The following RASSF5 variants were observed in gnomAD, a reference collection of about 807,000 sequenced individuals.
RASSF5 encodes the protein ras association domain-containing protein 5.
Under a neutral mutation model 40.5 loss-of-function variants are expected in RASSF5, and 25 were observed. The ratio of observed to expected loss-of-function variants is 0.62; its 90% CI spans 0.45 to 0.86. The LOEUF is 0.86. Among genes scored for constraint, RASSF5 ranks in the 40% least tolerant of loss-of-function variants. RASSF5 has a pLI of 0.00. For synonymous variants in RASSF5, 246 were observed against 252.4 expected, an observed-to-expected ratio of 0.97 and a Z score of 0.24; for missense variants, 521 against 572.8, an observed-to-expected ratio of 0.91 and a Z score of 0.92.
chr1:206,566,004 G>C (rs1668280060), intron 2 of RASSF5, among the ~76,000 whole-genome samples: 1 of 152,216 alleles, frequency 6.6e-6, no homozygotes. Flanking sequence ...TCCTAAGTTA[G>C]TTTACCATCT....
At chr1:206,548,032 G>C (rs1667740565) in intron 2 of RASSF5, among the ~76,000 whole-genome samples, 1 of 152,134 alleles carries the variant, frequency 6.6e-6, no homozygotes, top group South Asian at 2.1e-4. Flanking sequence ...TTATGGGATA[G>C]AAATTTCTAG....
intron 2 of RASSF5, among the ~76,000 whole-genome samples, chr1:206,575,352 A>T (rs1240637430): frequency 6.6e-6 from 1 of 152,136 alleles, no homozygotes; most frequent in East Asian, 1.9e-4. Context: ...ATTTGCTAAG[A>T]GCTGAGAAAG....
intron 1 of RASSF5, among the ~76,000 whole-genome samples, chr1:206,516,811 G>A (rs111565392): frequency 0.012 from 1,755 of 152,242 alleles, 17 homozygotes; most frequent in Non-Finnish European, 0.018. Context: ...CTTTGAGGGC[G>A]GGGATGGGAA....
chr1:206,528,090 T>G (rs1553397464), intron 1 of RASSF5, among the ~76,000 whole-genome samples: 2 of 152,112 alleles, frequency 1.3e-5, no homozygotes, highest in Non-Finnish European at 2.9e-5. Context: ...GCAACCAAGA[T>G]GTCCTTCAGT....
rs371822067 is a variant in RASSF5 at position 206,566,305 on chromosome 1, C to T, written c.580-16964C>T. ...GTCACCCCTCTCAAGCTCTGATGTC[C>T]TGCCGTAGGAAGCTGTTTTTCTCAT... On this transcript the variant is annotated intron_variant, in intron 2 of 5. Coordinates refer to ENST00000579436, the MANE Select transcript of RASSF5 (RefSeq NM_182663.4). 1.3e-4 allele frequency among the ~76,000 whole-genome samples: 20 copies of T among 152,166 alleles called. No homozygotes were observed. The East Asian group carries it at 2.5e-3, about 19-fold the overall frequency.
At chr1:206,538,966 G>C (rs1181296068) in intron 2 of RASSF5, among the ~76,000 whole-genome samples, 1 of 152,166 alleles carries the variant, frequency 6.6e-6, no homozygotes, top group South Asian at 2.1e-4. Flanking sequence ...ATTCTGGCAG[G>C]GGAGGCAGAA....
At chr1:206,518,309 C>T (rs1666813392) in intron 1 of RASSF5, 1 of 397,320 alleles carries the variant, frequency 2.5e-6, no homozygotes, top group East Asian at 3.6e-5. Flanking sequence ...GCCCAGGGCC[C>T]TCCCCGGAGC....
In RASSF5 at chr1:206,507,825, C is replaced by G. The variant is rs1553394032; in HGVS notation, c.223C>G (p.Arg75Gly). 7.0e-7 allele frequency: 1 copy of G among 1,419,022 alleles called. No homozygotes were observed. The allele number at this position is 1,419,022 out of a possible 1,614,324, so 87.9% of individuals were successfully genotyped here. Residue 75 changes from arginine (R) to glycine (G), a missense_variant, in exon 1 of 6, where the codon CGG (arginine) becomes GGG (glycine). By Grantham distance (125) the Arg-to-Gly change is moderately radical. This residue lies in a region of RASSF5 where 237 missense variants were observed against 212.0 expected (regional missense o/e 1.12). Coordinates refer to ENST00000579436, the MANE Select transcript of RASSF5 (RefSeq NM_182663.4). The part of the protein sequence containing the change: ...AARGNLEPPP[R>G]ASRPARPLRP... ...CCGGGGGAACCTGGAGCCCCCGCCC[C>G]GGGCCTCCCGACCCGCTCGCCCGCT...
At chr1:206,568,080 A>G (rs1668332504) in intron 2 of RASSF5, among the ~76,000 whole-genome samples, 1 of 152,140 alleles carries the variant, frequency 6.6e-6, no homozygotes, top group African/African-American at 2.4e-5. Context: ...ATGCCCACAA[A>G]TGCAGCCTCA....
chr1:206,536,155 G>A (rs1667387302), intron 1 of RASSF5, among the ~76,000 whole-genome samples: 1 of 152,170 alleles, frequency 6.6e-6, no homozygotes, highest in South Asian at 2.1e-4. Flanking sequence ...TAAAGGGGAG[G>A]CTGTTTTTGT....
At chr1:206,529,716 G>A (rs1281801654) in intron 1 of RASSF5, 2 of 664,268 alleles carry the variant, frequency 3.0e-6, no homozygotes, top group African/African-American at 3.6e-5. Flanking sequence ...AATGCACACT[G>A]TTGAGTTTTC....
At chr1:206,564,549 A>C (rs1222942551) in intron 2 of RASSF5, among the ~76,000 whole-genome samples, 2 of 152,180 alleles carry the variant, frequency 1.3e-5, no homozygotes, top group African/African-American at 4.8e-5. Flanking sequence ...ACACTGTCAG[A>C]TCAGGCTTTG....
intron 1 of RASSF5, chr1:206,518,690 G>A (rs1444740601): frequency 2.8e-5 from 11 of 393,624 alleles, no homozygotes; most frequent in African/African-American, 8.2e-5. Context: ...TCCTGACTCC[G>A]CAAGGACAAA....
chr1:206,581,631 A>G lies in RASSF5; in HGVS notation c.580-1638A>G, dbSNP rs4989734. 4.2e-5 allele frequency among the ~76,000 whole-genome samples: 6 copies of G among 143,592 alleles called. No homozygotes were observed. In the South Asian group the frequency reaches 6.7e-4, roughly 16 times the overall value. 94.2% of individuals were successfully genotyped at this position (143,592 alleles called of 152,430 possible). ...AAGAAAGAGAGAGAGACAGAGAGAG[A>G]GGGGGGAGAGAGAGAGAGAGAAAGA... On this transcript the variant is annotated intron_variant, in intron 2 of 5. Coordinates refer to ENST00000579436, the MANE Select transcript of RASSF5 (RefSeq NM_182663.4).
chr1:206,572,882 A>C (rs1175984432), intron 2 of RASSF5, among the ~76,000 whole-genome samples: 2 of 152,210 alleles, frequency 1.3e-5, no homozygotes, highest in Admixed American at 6.5e-5. Context: ...TGAAAGTCAT[A>C]ATGTGGCCTT....
Position 206,513,461 on chromosome 1 carries a change from A to C in RASSF5, c.457+5402A>C, listed in dbSNP as rs1214996403. On this transcript the variant is annotated intron_variant, in intron 1 of 5. Coordinates refer to ENST00000579436, the MANE Select transcript of RASSF5 (RefSeq NM_182663.4). The surrounding 1 kb of genome is among the most constrained non-coding windows in gnomAD (Gnocchi z 5.0). ...TGAGGGAACCATGTTCCTGGGGCTC[A>C]GTCAGCACCAGCTGGTATGATTTCC... is the stretch of plus-strand genomic sequence containing the variant. Among the ~76,000 whole-genome samples the C allele has an allele frequency of 2.0e-5, 3 of 152,236 alleles. No individual in the cohort carries two copies. The highest frequency in any genetic ancestry group is 7.2e-5 in the African/African-American group (3 of 41,460).
chr1:206,589,399 G>A lies in RASSF5; in HGVS notation c.*2421G>A, dbSNP rs527302640. On this transcript the variant is annotated 3_prime_UTR_variant, in exon 6 of 6. Transcript: ENST00000579436. ...GAGTCAGATTTTCTTTTGCCAGTGA[G>A]CAGAGAAATGAAGGCTACTGTTCAA... 2.0e-5 allele frequency: 3 copies of A among 152,640 alleles called. No individual in the cohort carries two copies. The highest frequency in any genetic ancestry group is 7.2e-5 in the African/African-American group (3 of 41,576). The allele number at this position is 152,640 out of a possible 1,614,324, so 9.5% of individuals were successfully genotyped here.
chr1:206,527,833 C>T lies in RASSF5; in HGVS notation c.458-10339C>T, dbSNP rs181621052. Among the ~76,000 whole-genome samples, 590 of 152,174 alleles carry T rather than the reference C, an allele frequency of 3.9e-3. 4 individuals carry two copies. The highest frequency in any genetic ancestry group is 0.013 in the African/African-American group (545 of 41,504). The stretch of plus-strand genomic sequence containing the variant: ...GCCTCAAGCAGTGCAGAGTAGGGAC[C>T]AGGAACAAGTGGAGGGGACGGTTCT... On this transcript the variant is annotated intron_variant, in intron 1 of 5. Transcript: ENST00000579436.
rs1667244748 is a variant in RASSF5, at chr1:206,531,856, T to C, written c.458-6316T>C. On this transcript the variant is annotated intron_variant, in intron 1 of 5. Transcript: ENST00000579436. This position sits in a 1 kb window ranked among gnomAD's most constrained non-coding sequence, Gnocchi z 4.7. ...ATCGAGAGCATCCTGGCTAACATAG[T>C]GAAACCCTGTCTCTACTAAAAAAAA... is the stretch of plus-strand genomic sequence containing the variant. Among the ~76,000 whole-genome samples, 1 of 151,140 alleles carries C rather than the reference T, an allele frequency of 6.6e-6. No homozygotes were observed. The highest frequency in any genetic ancestry group is 1.5e-5 in the Non-Finnish European group (1 of 67,864).
Sources: gnomAD v4.1 joint callset for allele counts (sites outside exome capture counted in the v4.1 genomes callset) on GRCh38, gnomAD v4.1.1 for gene constraint, gnomAD v4.1.1 regional missense constraint, Gnocchi (gnomAD v3.1) non-coding constraint, MANE v1.5 for transcripts, NCBI Gene and HGNC (gene_info 2026-07-23, HGNC 2026-07-21) for gene names.